CSMD1: variants seen among roughly 807,000 people sequenced by gnomAD.
CSMD1 encodes CUB and Sushi multiple domains 1.
In CSMD1, 213 loss-of-function variants were observed where a neutral mutation model predicts 417.5. The ratio of observed to expected loss-of-function variants is 0.51; its 90% CI spans 0.46 to 0.57. The LOEUF (loss-of-function observed/expected upper bound fraction) is 0.57, where lower values mean the gene tolerates loss of function less well. Ranked by LOEUF, CSMD1 falls within the 20% of genes least tolerant of loss-of-function variation. CSMD1 has a pLI of 0.00. For synonymous variants in CSMD1, 2,862 were observed against 1,736.8 expected (o/e 1.65, Z -16.11); for missense variants, 6,923 against 4,529.7 (o/e 1.53, Z -15.17).
At chr8:4,065,461 T>G (rs1242494465) in intron 3 of CSMD1, among the ~76,000 whole-genome samples, 1 of 152,242 alleles carries the variant, frequency 6.6e-6, no homozygotes, top group Non-Finnish European at 1.5e-5. Flanking sequence ...TTGGCTTTTC[T>G]TTTACTGAAT....
At position 3,387,585 on chromosome 8, in the gene CSMD1, G is replaced by C. The variant is rs376100659; in HGVS notation, c.2691C>G (p.Phe897Leu). 5 of 1,600,864 alleles carry C rather than the reference G, an allele frequency of 3.1e-6. No individual in the cohort carries two copies. Among genetic ancestry groups the C allele is most frequent in the East Asian group, 2.3e-5 (1 of 44,210 alleles). The change falls in exon 18 of 70, where the codon TTC (phenylalanine) becomes TTG (leucine). Residue 897 changes from phenylalanine to leucine, a missense_variant. Physicochemically the swap from Phe to Leu is conservative, Grantham distance 22. Transcript: ENST00000635120. ...TTAGTGTGTACCCCGGGTCACAGCT[G>C]AAAGTCACTGTGGACCTGATGCCAA... is the stretch of plus-strand genomic sequence containing the variant. ...GDFGIRSTVT[F>L]SCDPGYTLSD...
chr8:4,630,421 T>A (rs1802441836), intron 2 of CSMD1, among the ~76,000 whole-genome samples: 1 of 151,952 alleles, frequency 6.6e-6, no homozygotes, highest in Non-Finnish European at 1.5e-5. Flanking sequence ...TTAATTGGTC[T>A]TCTCCTTCTC....
At chr8:4,694,419 T>C (rs1230309689) in intron 1 of CSMD1, among the ~76,000 whole-genome samples, 1 of 152,076 alleles carries the variant, frequency 6.6e-6, no homozygotes, top group African/African-American at 2.4e-5. Flanking sequence ...TCGTGTGATC[T>C]TGGGTCACTG....
At chr8:4,356,129 C>T in intron 3 of CSMD1, among the ~76,000 whole-genome samples, 1 of 152,244 alleles carries the variant, frequency 6.6e-6, no homozygotes, top group Middle Eastern at 3.4e-3. Context: ...CCTCAAGTTC[C>T]CAAAGTCCAT....
chr8:4,986,566 C>T (rs537915870), intron 1 of CSMD1, among the ~76,000 whole-genome samples: 10 of 152,010 alleles, frequency 6.6e-5, no homozygotes, highest in East Asian at 3.9e-4. Context: ...TTATATAACA[C>T]GAATGATATC....
intron 2 of CSMD1, among the ~76,000 whole-genome samples, chr8:4,429,326 ACAT>A (rs1301245646): frequency 6.6e-6 from 1 of 152,070 alleles, no homozygotes; most frequent in Non-Finnish European, 1.5e-5. Flanking sequence ...CAAGAGCTTT[ACAT>A]GTGTATATGT....
At chr8:3,139,392 AT>A in intron 41 of CSMD1, among the ~76,000 whole-genome samples, 1 of 152,214 alleles carries the variant, frequency 6.6e-6, no homozygotes, top group Non-Finnish European at 1.5e-5. Context: ...TAACCCAGAG[AT>A]TTTCTGGCCC....
intron 5 of CSMD1, among the ~76,000 whole-genome samples, chr8:3,874,908 G>A (rs1400812376): frequency 6.6e-6 from 1 of 152,266 alleles, no homozygotes; most frequent in East Asian, 1.9e-4. Flanking sequence ...CCAGTGATTT[G>A]AATAAGACTT....
intron 3 of CSMD1, among the ~76,000 whole-genome samples, chr8:4,180,292 C>A (rs972789388): frequency 1.3e-5 from 2 of 151,760 alleles, no homozygotes; most frequent in African/African-American, 2.4e-5. Context: ...ATGGATGACA[C>A]TGGAAATCAT....
At chr8:3,487,824 C>T (rs552683629) in intron 11 of CSMD1, among the ~76,000 whole-genome samples, 3 of 152,112 alleles carry the variant, frequency 2.0e-5, no homozygotes, top group South Asian at 2.1e-4. Context: ...TCCCAGAAAT[C>T]GTAAAAATCC....
chr8:3,330,693 C>A (rs550425515), intron 23 of CSMD1, among the ~76,000 whole-genome samples: 3 of 152,034 alleles, frequency 2.0e-5, no homozygotes, highest in African/African-American at 4.8e-5. Flanking sequence ...AACAAACCCC[C>A]GTGACATGAG....
At chr8:3,376,021 C>T (rs1000304609) in intron 18 of CSMD1, among the ~76,000 whole-genome samples, 10 of 152,156 alleles carry the variant, frequency 6.6e-5, no homozygotes, top group Admixed American at 6.6e-4. Flanking sequence ...TATCCTCATC[C>T]ACTTTTCTGT....
intron 23 of CSMD1, among the ~76,000 whole-genome samples, chr8:3,316,958 T>A (rs1805812663): frequency 6.6e-6 from 1 of 152,156 alleles, no homozygotes; most frequent in Admixed American, 6.5e-5. Context: ...GAAAGGAGCC[T>A]GTGTCAGTGG....
At chr8:4,465,038 G>C (rs567836393) in intron 2 of CSMD1, among the ~76,000 whole-genome samples, 25 of 152,204 alleles carry the variant, frequency 1.6e-4, no homozygotes, top group African/African-American at 5.8e-4. Context: ...GGAAAAAAGG[G>C]AAACACAACA....
chr8:4,673,140 T>C (rs775001323), intron 1 of CSMD1, among the ~76,000 whole-genome samples: 5 of 151,636 alleles, frequency 3.3e-5, no homozygotes, highest in African/African-American at 7.3e-5. Flanking sequence ...ACTGAGGACA[T>C]TGAGGGGAAA....
chr8:3,219,299 C>A lies in CSMD1; in HGVS notation c.4628G>T (p.Ser1543Ile). 1 of 1,593,522 alleles carries A rather than the reference C, an allele frequency of 6.3e-7. No homozygotes were observed. Among genetic ancestry groups the A allele is most frequent in the Admixed American group, 1.7e-5 (1 of 57,472 alleles). ...SGNSLFLAFR[S>I]DASVGLSGFA... ...CCCTGAAAGGCCCACGGAGGCATCA[C>A]TCCGAAATGCCAGAAACAGGCTGTT... The change falls in exon 29 of 70, where the codon AGT (serine) becomes ATT (isoleucine). Residue 1543 changes from serine to isoleucine, a missense_variant. By Grantham distance (142) the Ser-to-Ile change is moderately radical. Transcript: ENST00000635120.
rs546654797 is a variant in CSMD1 at position 4,364,600 on chromosome 8, G to T, written c.415+55353C>A. 2.3e-3 allele frequency among the ~76,000 whole-genome samples: 40 copies of T among 17,336 alleles called. 13 individuals carry two copies. The allele number at this position is 17,336 out of a possible 152,430, so 11.4% of individuals were successfully genotyped here. A position where few individuals can be genotyped will look rare whatever the true frequency, so the allele number is the denominator to read the frequency against. On this transcript the variant is annotated intron_variant, in intron 3 of 69. Transcript: ENST00000635120. ...AGCACTTTGGGAGGCCGAGGCGGGC[G>T]GATCACGAGGTCAGGAGATCGAGAC...
intron 1 of CSMD1, among the ~76,000 whole-genome samples, chr8:4,760,349 T>A (rs776692042): frequency 6.6e-6 from 1 of 152,194 alleles, no homozygotes; most frequent in Non-Finnish European, 1.5e-5. Flanking sequence ...GAAATCAACA[T>A]GAAGGTGAAT....
At chr8:4,723,193 A>T (rs896732401) in intron 1 of CSMD1, among the ~76,000 whole-genome samples, 3 of 152,136 alleles carry the variant, frequency 2.0e-5, no homozygotes, top group Non-Finnish European at 4.4e-5. Context: ...GGAACCCGCC[A>T]GGAAGTCATA....
Sources: allele counts gnomAD v4.1 joint callset (sites outside exome capture counted in the v4.1 genomes callset), GRCh38; gene constraint gnomAD v4.1.1; transcripts MANE v1.5; gene names NCBI Gene and HGNC (gene_info 2026-07-23, HGNC 2026-07-21).